The following SMAD7 variants were observed in gnomAD, a reference collection of about 807,000 sequenced individuals.
SMAD7 encodes the protein SMAD family member 7.
Under a neutral mutation model 38.7 loss-of-function variants are expected in SMAD7, and 8 were observed. The observed-to-expected ratio is 0.21, with a 90% CI of 0.12 to 0.37. The LOEUF is 0.37. Ranked by LOEUF, SMAD7 falls within the 10% of genes least tolerant of loss-of-function variation. The probability of loss-of-function intolerance (pLI) is 1.00; values close to 1 mark genes in which losing one functional copy is unlikely to be tolerated. For synonymous variants in SMAD7, 327 were observed against 265.1 expected (o/e 1.23, Z -2.27); for missense variants, 477 against 577.9 (o/e 0.83, Z 1.79).
chr18:48,940,277 G>A (rs1364408116), intron 3 of SMAD7, among the ~76,000 whole-genome samples: 1 of 152,202 alleles, frequency 6.6e-6, no homozygotes, highest in Non-Finnish European at 1.5e-5. Flanking sequence ...CATGTGGAAG[G>A]CCCCCTCTTC....
chr18:48,937,307 T>TGTGTGTGTGTGTG (rs2070080977), intron 3 of SMAD7, among the ~76,000 whole-genome samples: 2 of 146,268 alleles, frequency 1.4e-5, no homozygotes, highest in African/African-American at 5.1e-5. Context: ...TGTGTGTGTG[T>TGTGTGTGTGTGTG]AGGAAGTGAG....
chr18:48,935,580 C>T (rs898931449), intron 3 of SMAD7, among the ~76,000 whole-genome samples: 3 of 152,152 alleles, frequency 2.0e-5, no homozygotes, highest in African/African-American at 7.2e-5. Flanking sequence ...GGAGCCAACC[C>T]TGGCACCATC....
rs2070011202 is a variant in SMAD7, at chr18:48,932,247, G to A, written c.742+10234C>T. On this transcript the variant is annotated intron_variant, in intron 3 of 3. Transcript: ENST00000262158. ...GCTTCATGAGGTGACTGGAAGGTGG[G>A]ACAGGGGACAGGGACAATCATTTAA... Among the ~76,000 whole-genome samples, 4 of 152,272 alleles carry A rather than the reference G, an allele frequency of 2.6e-5. No homozygotes were observed. In the South Asian group the frequency reaches 6.2e-4, roughly 24 times the overall value.
At chr18:48,929,567 T>TCCA (rs112497008) in intron 3 of SMAD7, among the ~76,000 whole-genome samples, 4 of 61,798 alleles carry the variant, frequency 6.5e-5, no homozygotes, top group African/African-American at 1.5e-4. Context: ...TCTCTCTCTC[T>TCCA]CTCACTCACA....
chr18:48,933,135 C>CT (rs2070022654), intron 3 of SMAD7, among the ~76,000 whole-genome samples: 1 of 152,212 alleles, frequency 6.6e-6, no homozygotes. Context: ...AGACCTACCT[C>CT]TGTTTATCCA....
intron 3 of SMAD7, among the ~76,000 whole-genome samples, chr18:48,938,018 C>A (rs1051325197): frequency 6.6e-6 from 1 of 152,186 alleles, no homozygotes; most frequent in African/African-American, 2.4e-5. Context: ...AGTTCATGAT[C>A]ACAATTCCAA....
intron 2 of SMAD7, among the ~76,000 whole-genome samples, chr18:48,948,146 C>A (rs966061879): frequency 1.3e-5 from 2 of 152,158 alleles, no homozygotes; most frequent in African/African-American, 2.4e-5. Context: ...ACCGGCTACA[C>A]AGCACAAATA....
chr18:48,924,218 G>A (rs1008180123), intron 3 of SMAD7, among the ~76,000 whole-genome samples: 1 of 151,308 alleles, frequency 6.6e-6, no homozygotes, highest in African/African-American at 2.4e-5. Context: ...AAGGAGGCGG[G>A]AGGGAGGGTG....
rs558811831 is a variant in SMAD7 at position 48,928,568 on chromosome 18, T to C, written c.743-6658A>G. On this transcript the variant is annotated intron_variant, in intron 3 of 3. Transcript: ENST00000262158. The stretch of plus-strand genomic sequence containing the variant: ...TCTTTTATCACTGTCATCCGTCCAC[T>C]GTCTGCCCAGGCTTGGTTCCCTGAA... Among the ~76,000 whole-genome samples, 6 of 152,256 alleles carry C rather than the reference T, an allele frequency of 3.9e-5. No individual in the cohort carries two copies. The East Asian group carries it at 1.2e-3, about 29-fold the overall frequency.
chr18:48,921,590 G>C lies in SMAD7; in HGVS notation c.1063C>G (p.Leu355Val). 1 of 1,614,168 alleles carries C rather than the reference G, an allele frequency of 6.2e-7. No individual in the cohort carries two copies. The highest frequency in any genetic ancestry group is 8.5e-7 in the Non-Finnish European group (1 of 1,179,974). The change falls in exon 4 of 4, where the codon CTG becomes GTG. Residue 355 changes from leucine to valine, a missense_variant. Physicochemically the swap from Leu to Val is conservative, Grantham distance 32. Transcript: ENST00000262158. The surrounding 1 kb of genome is among the most constrained non-coding windows in gnomAD (Gnocchi z 6.4). ...CCGGGGAACACCTTGTGTACCAACA[G>C]CGTCCTGGAGTCCGGGTTGTCCAGT... ...ATLDNPDSRT[L>V]LVHKVFPGFS... is the part of the protein sequence containing the mutation.
chr18:48,945,979 G>C (rs2070190419), intron 2 of SMAD7, among the ~76,000 whole-genome samples: 1 of 152,180 alleles, frequency 6.6e-6, no homozygotes, highest in African/African-American at 2.4e-5. Context: ...GGCTCTCCTG[G>C]TTGGACCACA....
At chr18:48,933,439 G>A (rs2070026634) in intron 3 of SMAD7, among the ~76,000 whole-genome samples, 1 of 152,178 alleles carries the variant, frequency 6.6e-6, no homozygotes, top group Admixed American at 6.5e-5. Context: ...CCCAGCCCAG[G>A]AACTGGTCCT....
intron 3 of SMAD7, among the ~76,000 whole-genome samples, chr18:48,937,509 A>T (rs1029332324): frequency 6.6e-6 from 1 of 152,166 alleles, no homozygotes; most frequent in Admixed American, 6.5e-5. Context: ...CCCTGTATTT[A>T]ACCCCTGCCG....
chr18:48,926,252 C>A (rs540569364), intron 3 of SMAD7, among the ~76,000 whole-genome samples: 1 of 152,312 alleles, frequency 6.6e-6, no homozygotes, highest in East Asian at 1.9e-4. Context: ...CCTGACTGGG[C>A]CCAGACACAC....
intron 2 of SMAD7, among the ~76,000 whole-genome samples, chr18:48,945,122 A>G (rs1031836247): frequency 1.5e-4 from 23 of 152,200 alleles, no homozygotes; most frequent in African/African-American, 5.5e-4. Flanking sequence ...GCTCTGCCCC[A>G]GGTAGTTCAA....
Position 48,921,528 on chromosome 18 carries a change from G to A in SMAD7, c.1125C>T (p.Tyr375=). The part of the protein sequence containing the change: ...SIKAFDYEKA[Y]SLQRPNDHEF... ...CGTGGTCATTGGGCCGCTGCAGGCT[G>A]TACGCCTTCTCGTAGTCGAAAGCCT... The change falls in exon 4 of 4, where the codon TAC becomes TAT. Residue 375 remains tyrosine, a synonymous_variant. Transcript: ENST00000262158. The surrounding 1 kb of genome is among the most constrained non-coding windows in gnomAD (Gnocchi z 6.4). 6.2e-7 allele frequency: 1 copy of A among 1,614,256 alleles called. No homozygotes were observed. Among genetic ancestry groups the A allele is most frequent in the Non-Finnish European group, 8.5e-7 (1 of 1,180,046 alleles).
Position 48,949,905 on chromosome 18 carries a change from C to G in SMAD7, c.520G>C (p.Val174Leu), listed in dbSNP as rs773344484. The G allele has an allele frequency of 6.2e-7, 1 of 1,613,828 alleles. No individual in the cohort carries two copies. Among genetic ancestry groups the G allele is most frequent in the South Asian group, 1.1e-5 (1 of 91,068 alleles). Residue 174 changes from valine (V) to leucine (L), a missense_variant, in exon 1 of 4, where the codon GTC becomes CTC. Val to Leu is a conservative substitution (Grantham distance 32). Transcript: ENST00000262158. ...GATTCACAGCAACACAGCCTCTTGA[C>G]TTCCGAGGAATGCCTGAGATCCGGC... ...RWPDLRHSSE[V>L]KRLCCCESYG...
intron 2 of SMAD7, among the ~76,000 whole-genome samples, chr18:48,947,156 A>G (rs1404972351): frequency 1.3e-5 from 2 of 152,206 alleles, no homozygotes; most frequent in African/African-American, 2.4e-5. Context: ...ATTAATAACC[A>G]TTTATCTGGT....
chr18:48,922,740 C>G (rs2069877149), intron 3 of SMAD7, among the ~76,000 whole-genome samples: 3 of 152,092 alleles, frequency 2.0e-5, no homozygotes. Flanking sequence ...TTCTCCCCTT[C>G]TCTGCCGGCA....
Sources: gnomAD v4.1 joint callset for allele counts (sites outside exome capture counted in the v4.1 genomes callset) on GRCh38, gnomAD v4.1.1 for gene constraint, Gnocchi (gnomAD v3.1) non-coding constraint, MANE v1.5 for transcripts, NCBI Gene and HGNC (gene_info 2026-07-23, HGNC 2026-07-21) for gene names.